Variants in PHLPP1 observed in about 807,000 individuals in gnomAD.
PHLPP1 encodes PH domain leucine-rich repeat-containing protein phosphatase 1.
Under a neutral mutation model 117.2 loss-of-function variants are expected in PHLPP1, and 42 were observed. The observed-to-expected ratio is 0.36, with a 90% CI of 0.28 to 0.46. The LOEUF is 0.46. PHLPP1 is among the 20% of genes least tolerant of loss of function. The pLI is 1.00. For synonymous variants in PHLPP1, 1,042 were observed against 970.7 expected (o/e 1.07, Z -1.37); for missense variants, 2,084 against 2,241.9 (o/e 0.93, Z 1.42).
At chr18:62,861,988 C>T (rs1915642939) in intron 4 of PHLPP1, among the ~76,000 whole-genome samples, 1 of 152,110 alleles carries the variant, frequency 6.6e-6, no homozygotes, top group South Asian at 2.1e-4. Context: ...TTGGAGAGTA[C>T]TACTCCGTTG....
chr18:62,761,114 C>T (rs1314196563), intron 1 of PHLPP1, among the ~76,000 whole-genome samples: 1 of 151,972 alleles, frequency 6.6e-6, no homozygotes, highest in Non-Finnish European at 1.5e-5. Flanking sequence ...ATCTGCCCGC[C>T]CTGGCCTCCC....
chr18:62,852,930 G>A (rs765878709), intron 3 of PHLPP1, among the ~76,000 whole-genome samples: 5 of 152,284 alleles, frequency 3.3e-5, no homozygotes, highest in African/African-American at 4.8e-5. Context: ...TTTTGAAAGC[G>A]TGGCAGGGAT....
intron 1 of PHLPP1, among the ~76,000 whole-genome samples, chr18:62,747,689 A>T (rs1416082357): frequency 1.3e-5 from 2 of 151,432 alleles, no homozygotes; most frequent in Non-Finnish European, 2.9e-5. Context: ...GCTAATTTTT[A>T]AAAAATGTTT....
chr18:62,913,737 CTCT>C (rs1001017865), intron 8 of PHLPP1, among the ~76,000 whole-genome samples: 1 of 83,838 alleles, frequency 1.2e-5, no homozygotes, highest in African/African-American at 4.7e-5. Flanking sequence ...TTCTCTCTCT[CTCT>C]TTTTTTTTTT....
intron 1 of PHLPP1, among the ~76,000 whole-genome samples, chr18:62,763,110 A>G (rs999802944): frequency 6.6e-6 from 1 of 152,116 alleles, no homozygotes; most frequent in Admixed American, 6.5e-5. Context: ...TCCCCGTATG[A>G]CTCAGTTACT....
chr18:62,815,159 TC>T, intron 1 of PHLPP1, among the ~76,000 whole-genome samples: 1 of 149,848 alleles, frequency 6.7e-6, no homozygotes, highest in Non-Finnish European at 1.5e-5. Context: ...TTTTTTTTTT[TC>T]CTCTTTTTTT....
At chr18:62,883,420 A>G in intron 4 of PHLPP1, among the ~76,000 whole-genome samples, 1 of 152,222 alleles carries the variant, frequency 6.6e-6, no homozygotes, top group East Asian at 1.9e-4. Context: ...TGTATCTCAA[A>G]GAAGATTTGC....
chr18:62,777,004 G>A (rs904250216), intron 1 of PHLPP1, among the ~76,000 whole-genome samples: 4 of 152,188 alleles, frequency 2.6e-5, no homozygotes, highest in Non-Finnish European at 4.4e-5. Flanking sequence ...TGGCTAATAT[G>A]AACAATGTGT....
At chr18:62,793,275 A>G (rs975586886) in intron 1 of PHLPP1, among the ~76,000 whole-genome samples, 1 of 152,256 alleles carries the variant, frequency 6.6e-6, no homozygotes, top group Non-Finnish European at 1.5e-5. Flanking sequence ...AGATATTTGC[A>G]TAGAAAATCC....
At chr18:62,759,110 A>G (rs1183538073) in intron 1 of PHLPP1, among the ~76,000 whole-genome samples, 1 of 152,234 alleles carries the variant, frequency 6.6e-6, no homozygotes, top group Non-Finnish European at 1.5e-5. Context: ...AAAAAATTAC[A>G]TAAATATGAC....
intron 4 of PHLPP1, among the ~76,000 whole-genome samples, chr18:62,881,864 G>A (rs1916181519): frequency 6.6e-6 from 1 of 152,198 alleles, no homozygotes; most frequent in East Asian, 1.9e-4. Context: ...TTGGGGGTGT[G>A]GACAACAGTG....
intron 10 of PHLPP1, among the ~76,000 whole-genome samples, chr18:62,924,705 G>A (rs1442084633): frequency 6.8e-6 from 1 of 146,368 alleles, no homozygotes; most frequent in Non-Finnish European, 1.5e-5. Flanking sequence ...AAAAAGTCAG[G>A]TGTGGTGGCA....
At chr18:62,811,739 A>G (rs1248435578) in intron 1 of PHLPP1, among the ~76,000 whole-genome samples, 1 of 152,142 alleles carries the variant, frequency 6.6e-6, no homozygotes, top group Non-Finnish European at 1.5e-5. Context: ...ATAATTTTTT[A>G]AAGAGATTCC....
At chr18:62,767,387 T>C (rs1912583620) in intron 1 of PHLPP1, among the ~76,000 whole-genome samples, 1 of 152,168 alleles carries the variant, frequency 6.6e-6, no homozygotes, top group African/African-American at 2.4e-5. Context: ...CTGCAACCAC[T>C]TGAGAAAGTC....
intron 1 of PHLPP1, among the ~76,000 whole-genome samples, chr18:62,722,413 C>T (rs572350190): frequency 2.6e-5 from 4 of 152,274 alleles, no homozygotes; most frequent in African/African-American, 4.8e-5. Context: ...AATAGAAAAA[C>T]GATTCCTTTA....
At chr18:62,743,980 T>C (rs1490697246) in intron 1 of PHLPP1, among the ~76,000 whole-genome samples, 1 of 152,170 alleles carries the variant, frequency 6.6e-6, no homozygotes, top group African/African-American at 2.4e-5. Flanking sequence ...GTAAGTTGGA[T>C]CTTCTTTTGC....
rs1568109439 is a variant in PHLPP1, at chr18:62,766,079, ATAT to A, written c.1576+48821_1576+48823del. ...CCATCTCAAAAAAAAAAAAAAAAAT[ATAT>A]ATATATATATATATATATATAAAAT... On this transcript the variant is annotated intron_variant, in intron 1 of 16. Coordinates refer to ENST00000262719, the MANE Select transcript of PHLPP1 (RefSeq NM_194449.4). Among the ~76,000 whole-genome samples the A allele has an allele frequency of 9.6e-3, 369 of 38,342 alleles. 27 individuals are homozygous for A. Among genetic ancestry groups the A allele is most frequent in the African/African-American group, 0.015 (222 of 14,780 alleles). 25.2% of individuals were successfully genotyped at this position (38,342 alleles called of 152,430 possible).
At chr18:62,884,925 G>A (rs1486842917) in intron 4 of PHLPP1, among the ~76,000 whole-genome samples, 1 of 152,112 alleles carries the variant, frequency 6.6e-6, no homozygotes, top group Non-Finnish European at 1.5e-5. Context: ...CTAGTTCCTG[G>A]AAGAAAAATT....
intron 10 of PHLPP1, among the ~76,000 whole-genome samples, chr18:62,938,239 A>G (rs1910030105): frequency 6.6e-6 from 1 of 152,230 alleles, no homozygotes; most frequent in African/African-American, 2.4e-5. Context: ...AAGCTTGAGG[A>G]TAGTTATCAC....
Sources: gnomAD v4.1 joint callset for allele counts (sites outside exome capture counted in the v4.1 genomes callset) on GRCh38, gnomAD v4.1.1 for gene constraint, MANE v1.5 for transcripts, NCBI Gene and HGNC (gene_info 2026-07-23, HGNC 2026-07-21) for gene names.